Variants in ARMH4 observed in about 807,000 individuals in gnomAD.
ARMH4 encodes the protein armadillo-like helical domain-containing protein 4.
ARMH4 carries 49 observed loss-of-function variants against 61.9 expected under a neutral mutation model. The ratio of observed to expected loss-of-function variants is 0.79; its 90% CI spans 0.63 to 1.00. ARMH4 has a LOEUF of 1.00. ARMH4 is among the 50% of genes least tolerant of loss of function. ARMH4 has a pLI of 0.00. For missense variants in ARMH4, 934 were observed against 930.0 expected (o/e 1.00, Z -0.06); for synonymous variants, 368 against 341.5 (o/e 1.08, Z -0.85).
At chr14:58,140,963 C>G (rs1054722841) in intron 1 of ARMH4, among the ~76,000 whole-genome samples, 14 of 152,028 alleles carry the variant, frequency 9.2e-5, no homozygotes, top group African/African-American at 3.4e-4. Context: ...TAGGACACAG[C>G]AAAAAGGTGC....
At chr14:58,130,196 A>C (rs144039768) in intron 4 of ARMH4, among the ~76,000 whole-genome samples, 148 of 152,358 alleles carry the variant, frequency 9.7e-4, no homozygotes, top group African/African-American at 2.9e-3. Flanking sequence ...CGCTAAACTC[A>C]AAGTCATACA....
chr14:58,006,054 C>T (rs2141124208), intron 6 of ARMH4, among the ~76,000 whole-genome samples: 1 of 152,260 alleles, frequency 6.6e-6, no homozygotes, highest in East Asian at 1.9e-4. Context: ...CTATGGATAC[C>T]TTTATCCTCA....
chr14:58,035,932 C>A (rs1883465727), intron 5 of ARMH4, among the ~76,000 whole-genome samples: 1 of 131,432 alleles, frequency 7.6e-6, no homozygotes, highest in Admixed American at 7.2e-5. Flanking sequence ...AAAAAGAGTC[C>A]AGGACCAGAT....
intron 5 of ARMH4, among the ~76,000 whole-genome samples, chr14:58,045,611 T>C (rs377477386): frequency 7.5e-6 from 1 of 133,856 alleles, no homozygotes; most frequent in East Asian, 2.1e-4. Context: ...TAAAGTATAA[T>C]AAAAAAAAAA....
chr14:58,092,987 G>T (rs993441090), intron 5 of ARMH4, among the ~76,000 whole-genome samples: 23 of 152,094 alleles, frequency 1.5e-4, no homozygotes, highest in African/African-American at 5.1e-4. Context: ...GTGCTGGGAC[G>T]GACTTCGTGG....
At chr14:58,097,689 T>A (rs918255770) in intron 4 of ARMH4, among the ~76,000 whole-genome samples, 2 of 125,180 alleles carry the variant, frequency 1.6e-5, no homozygotes, top group African/African-American at 2.6e-5. Context: ...TGATTTTTTT[T>A]TTTTTATTTT....
At chr14:58,132,581 C>CTTTTTTTTTTTTTTTTT (rs71448942) in intron 3 of ARMH4, among the ~76,000 whole-genome samples, 2 of 86,022 alleles carry the variant, frequency 2.3e-5, no homozygotes, top group Non-Finnish European at 4.6e-5. Flanking sequence ...ACCCTTGTCC[C>CTTTTTTTTTTTTTTTTT]TTTTTTTTTT....
chr14:58,063,073 G>A (rs942620315), intron 5 of ARMH4, among the ~76,000 whole-genome samples: 3 of 152,176 alleles, frequency 2.0e-5, no homozygotes, highest in African/African-American at 7.2e-5. Context: ...AGAGCCTCTA[G>A]AGGAGGTAGA....
At position 58,093,373 on chromosome 14, in the gene ARMH4, G is replaced by C. The variant is rs201833620; in HGVS notation, c.2089+3351C>G. ...CCTCAGCTAACTTTCTGCAGTTTTT[G>C]TAGAGATGGAGTCTTGCTATGTTCC... On this transcript the variant is annotated intron_variant, in intron 5 of 7. Coordinates refer to ENST00000267485, the MANE Select transcript of ARMH4 (RefSeq NM_001001872.4). Among the ~76,000 whole-genome samples the C allele has an allele frequency of 2.9e-4, 44 of 152,186 alleles. No individual in the cohort carries two copies. The East Asian group carries it at 5.6e-3, about 19-fold the overall frequency.
At chr14:58,060,129 T>A (rs1389588641) in intron 5 of ARMH4, among the ~76,000 whole-genome samples, 1 of 152,212 alleles carries the variant, frequency 6.6e-6, no homozygotes, top group Non-Finnish European at 1.5e-5. Flanking sequence ...TCATTTTGGA[T>A]CTTATTAATA....
At chr14:58,095,340 G>C (rs1237469027) in intron 5 of ARMH4, among the ~76,000 whole-genome samples, 3 of 152,172 alleles carry the variant, frequency 2.0e-5, no homozygotes, top group Non-Finnish European at 4.4e-5. Context: ...TTTACGTGTA[G>C]ATTTGTGTCT....
rs398025219 is a variant in ARMH4 at position 58,102,817 on chromosome 14, CAAAAAAAAAAAA to C, written c.1832-5848_1832-5837del. ...TGGGCGACAGAGCGAGACTCCGTCT[CAAAAAAAAAAAA>C]AAAAAAAAAAGAGTAAGGCAGAGGT... On this transcript the variant is annotated intron_variant, in intron 4 of 7. Coordinates refer to ENST00000267485, the MANE Select transcript of ARMH4 (RefSeq NM_001001872.4). 2.0e-3 allele frequency among the ~76,000 whole-genome samples: 103 copies of C among 50,950 alleles called. 1 individual carries two copies. In the South Asian group the frequency reaches 0.043, roughly 21 times the overall value. The allele number at this position is 50,950 out of a possible 152,430, so 33.4% of individuals were successfully genotyped here.
At chr14:58,102,817 C>CA (rs398025219) in intron 4 of ARMH4, among the ~76,000 whole-genome samples, 24,737 of 50,856 alleles carry the variant, frequency 0.49, 6,249 homozygotes, top group Non-Finnish European at 0.58. Flanking sequence ...GACTCCGTCT[C>CA]AAAAAAAAAA....
intron 4 of ARMH4, among the ~76,000 whole-genome samples, chr14:58,128,078 G>A (rs1322111866): frequency 1.3e-5 from 2 of 151,972 alleles, no homozygotes; most frequent in Admixed American, 6.6e-5. Flanking sequence ...CTTCCATGGG[G>A]GTATACAGAA....
intron 5 of ARMH4, among the ~76,000 whole-genome samples, chr14:58,013,049 CTTCA>C (rs1303330660): frequency 5.3e-5 from 8 of 152,164 alleles, no homozygotes; most frequent in African/African-American, 1.9e-4. Context: ...CTCATTTTAC[CTTCA>C]TTATCAAACA....
chr14:58,096,218 A>G lies in ARMH4; in HGVS notation c.2089+506T>C, dbSNP rs552463002. 9.2e-5 allele frequency among the ~76,000 whole-genome samples: 14 copies of G among 152,342 alleles called. 1 individual carries two copies. In the South Asian group the frequency reaches 2.9e-3, roughly 32 times the overall value. On this transcript the variant is annotated intron_variant, in intron 5 of 7. Transcript: ENST00000267485. The stretch of plus-strand genomic sequence containing the variant: ...GAACAGAAAAATCATGGGACTGCCC[A>G]ACTGCTCACCCACAAGCAGGGGAAG...
chr14:58,143,946 G>A (rs191248947), intron 1 of ARMH4, among the ~76,000 whole-genome samples: 4 of 151,654 alleles, frequency 2.6e-5, no homozygotes, highest in Non-Finnish European at 5.9e-5. Flanking sequence ...GCTAATTTTT[G>A]TATTTTTAGT....
intron 1 of ARMH4, among the ~76,000 whole-genome samples, chr14:58,144,538 CCT>C (rs988302961): frequency 1.3e-5 from 2 of 152,070 alleles, no homozygotes; most frequent in East Asian, 1.9e-4. Flanking sequence ...GAGAAAAGAC[CCT>C]GTCTCAAAAA....
intron 5 of ARMH4, among the ~76,000 whole-genome samples, chr14:58,044,413 T>C (rs1022800358): frequency 6.6e-6 from 1 of 152,206 alleles, no homozygotes; most frequent in Non-Finnish European, 1.5e-5. Context: ...GCTAGCCATA[T>C]GTAGAAAGCT....
Sources: allele counts gnomAD v4.1 joint callset (sites outside exome capture counted in the v4.1 genomes callset), GRCh38; gene constraint gnomAD v4.1.1; transcripts MANE v1.5; gene names NCBI Gene and HGNC (gene_info 2026-07-23, HGNC 2026-07-21).